Variants in CCNF observed in about 807,000 individuals in gnomAD.
The protein encoded by CCNF is cyclin-F.
A neutral mutation model predicts 85.4 loss-of-function variants in CCNF; 30 were observed. That is an observed-to-expected ratio of 0.35 (90% CI 0.26 to 0.48). The LOEUF (loss-of-function observed/expected upper bound fraction) is 0.48. Ranked by LOEUF, CCNF falls within the 20% of genes least tolerant of loss-of-function variation. CCNF has a pLI of 0.99. For synonymous variants in CCNF, 439 were observed against 425.1 expected, an observed-to-expected ratio of 1.03 and a Z score of -0.40; for missense variants, 919 against 1,010.4, an observed-to-expected ratio of 0.91 and a Z score of 1.23.
In CCNF at chr16:2,443,763, G is replaced by A; in HGVS notation, c.892G>A (p.Val298Ile). Residue 298 changes from valine to isoleucine, a missense_variant, in exon 9 of 17, where the codon GTC becomes ATC. Transcript: ENST00000397066. Reference protein sequence around the residue: ...QASQAVSKQQVFSVQKGLNDT... With the variant: ...QASQAVSKQQIFSVQKGLNDT... ...TTCCCAGGCTGTCAGTAAACAACAAGTCTTCTCCGTGCAGAAGGGACTCAA... is the reference window on the plus strand; with the variant it reads ...TTCCCAGGCTGTCAGTAAACAACAAATCTTCTCCGTGCAGAAGGGACTCAA... The A allele has an allele frequency of 1.2e-6, 2 of 1,614,152 alleles. No homozygotes were observed. The highest frequency in any genetic ancestry group is 1.1e-5 in the South Asian group (1 of 91,088).
chr16:2,455,682 C>T (rs566913034), intron 16 of CCNF, 118 bp downstream of exon 16: 13 of 1,401,144 alleles, frequency 9.3e-6, no homozygotes, highest in South Asian at 1.7e-5. Context: ...GCACAGAGTG[C>T]GGGGTGGGGC....
chr16:2,429,768 G>C (rs2065253486), intron 1 of CCNF, among the ~76,000 whole-genome samples: 1 of 149,582 alleles, frequency 6.7e-6, no homozygotes, highest in Non-Finnish European at 1.5e-5. Context: ...TCGGGTCCCG[G>C]GGCAGCGATC....
chr16:2,445,754 G>C (rs2065359209), intron 10 of CCNF, 132 bp downstream of exon 10: 2 of 803,522 alleles, frequency 2.5e-6, no homozygotes. Context: ...CCGAGACCAA[G>C]TCTCGCTCTG....
chr16:2,444,322 C>T (rs1482081496), intron 9 of CCNF, among the ~76,000 whole-genome samples: 7 of 136,602 alleles, frequency 5.1e-5, no homozygotes, highest in Admixed American at 3.0e-4. Context: ...TTTTTTGAGA[C>T]GGAGTCTTGC....
intron 2 of CCNF, among the ~76,000 whole-genome samples, chr16:2,431,979 C>T (rs1028822446): frequency 6.6e-6 from 1 of 151,774 alleles, no homozygotes. Flanking sequence ...TACAGGCACC[C>T]GCCACCACGC....
chr16:2,435,548 G>A (rs568591972), intron 3 of CCNF, among the ~76,000 whole-genome samples: 84 of 151,280 alleles, frequency 5.6e-4, no homozygotes, highest in South Asian at 1.0e-3. Flanking sequence ...TCGCACCACT[G>A]CACTCCAGCC....
intron 10 of CCNF, among the ~76,000 whole-genome samples, chr16:2,447,918 C>T (rs930925287): frequency 6.6e-6 from 1 of 152,220 alleles, no homozygotes; most frequent in African/African-American, 2.4e-5. Context: ...GTCCCTGCGC[C>T]TCTTGTCCTC....
chr16:2,438,705 A>G (rs1303358440), intron 6 of CCNF, among the ~76,000 whole-genome samples: 3 of 151,906 alleles, frequency 2.0e-5, no homozygotes, highest in Non-Finnish European at 4.4e-5. Flanking sequence ...AACATCAAGT[A>G]AAGAATAAGG....
At chr16:2,434,889 G>A (rs527396156) in intron 3 of CCNF, among the ~76,000 whole-genome samples, 11 of 152,216 alleles carry the variant, frequency 7.2e-5, no homozygotes, top group South Asian at 6.2e-4. Context: ...CTTCTTTCAC[G>A]GACCCTGATG....
chr16:2,443,537 A>G lies in CCNF; in HGVS notation c.778-112A>G, dbSNP rs946673080. ...CCGAAGCTTGTGAAGGTTTAAGTTA[A>G]GTAGGGCAGTGTGTCCACATGCATT... On this transcript the variant is annotated intron_variant, in intron 8 of 16. Transcript: ENST00000397066. The G allele has an allele frequency of 3.1e-6, 3 of 978,838 alleles. No individual in the cohort carries two copies. In the African/African-American group the frequency reaches 4.8e-5, roughly 16 times the overall value. 60.6% of individuals were successfully genotyped at this position (978,838 alleles called of 1,614,324 possible). A position where few individuals can be genotyped will look rare whatever the true frequency, so the allele number is the denominator to read the frequency against.
chr16:2,448,430 AGT>A, intron 10 of CCNF, among the ~76,000 whole-genome samples: 1 of 152,190 alleles, frequency 6.6e-6, no homozygotes, highest in African/African-American at 2.4e-5. Context: ...TTTTTGAGAC[AGT>A]GTCTTGCTCT....
In CCNF at chr16:2,452,980, A is replaced by G; in HGVS notation, c.1488-230A>G. The G allele has an allele frequency of 5.2e-6, 3 of 581,660 alleles. No homozygotes were observed. Among genetic ancestry groups the G allele is most frequent in the Admixed American group, 3.0e-5 (1 of 33,658 alleles). The allele number at this position is 581,660 out of a possible 1,614,324, so 36.0% of individuals were successfully genotyped here. On this transcript the variant is annotated intron_variant, in intron 13 of 16. Transcript: ENST00000397066. The surrounding 1 kb of genome is among the most constrained non-coding windows in gnomAD (Gnocchi z 4.1). ...TATTGTGAACAGTCCTGCCATGAAC[A>G]TTCTAGTACAGGTTTCTGTGTGGAC...
In CCNF at chr16:2,456,511, G is replaced by T; in HGVS notation, c.1886-34G>T. 2 of 1,454,872 alleles carry T rather than the reference G, an allele frequency of 1.4e-6. No individual in the cohort carries two copies. The highest frequency in any genetic ancestry group is 2.3e-5 in the East Asian group (1 of 43,484). The allele number at this position is 1,454,872 out of a possible 1,614,324, so 90.1% of individuals were successfully genotyped here. ...GGGGTCTCCCCTGATGCTTGGGTGT[G>T]ACATGACTTCCCTCCCCACCAACCT... On this transcript the variant is annotated intron_variant, in intron 16 of 16. Coordinates refer to ENST00000397066, the MANE Select transcript of CCNF (RefSeq NM_001761.3). The surrounding 1 kb of genome is among the most constrained non-coding windows in gnomAD (Gnocchi z 4.5).
chr16:2,455,219 C>T (rs2065419476), intron 15 of CCNF, among the ~76,000 whole-genome samples, 176 bp from the exon 16 acceptor site: 1 of 152,230 alleles, frequency 6.6e-6, no homozygotes, highest in Non-Finnish European at 1.5e-5. Context: ...CCAGGTTGGC[C>T]CTGCCTGAAG....
At chr16:2,454,433 G>GCCTGGC (rs575954456) in intron 15 of CCNF, among the ~76,000 whole-genome samples, 1 of 152,186 alleles carries the variant, frequency 6.6e-6, no homozygotes, top group East Asian at 1.9e-4. Flanking sequence ...CCAGGAGGGG[G>GCCTGGC]CCTGGCCCTG....
At position 2,451,173 on chromosome 16, in the gene CCNF, A is replaced by G. The variant is rs2065393184; in HGVS notation, c.1487+1258A>G. On this transcript the variant is annotated intron_variant, in intron 13 of 16. Transcript: ENST00000397066. This position sits in a 1 kb window ranked among gnomAD's most constrained non-coding sequence, Gnocchi z 4.3. The stretch of plus-strand genomic sequence containing the variant: ...TGGTCCAGGCGCTGGGGGAGAGGGC[A>G]GGACAGAGAGTTCAGAGGTCAGGTC... Among the ~76,000 whole-genome samples, 1 of 152,232 alleles carries G rather than the reference A, an allele frequency of 6.6e-6. No individual in the cohort carries two copies. Among genetic ancestry groups the G allele is most frequent in the South Asian group, 2.1e-4 (1 of 4,832 alleles).
At position 2,457,873 on chromosome 16, in the gene CCNF, C is replaced by T. The variant is rs1442666280; in HGVS notation, c.*853C>T. The T allele has an allele frequency of 6.6e-6, 1 of 152,252 alleles. No homozygotes were observed. The highest frequency in any genetic ancestry group is 1.5e-5 in the Non-Finnish European group (1 of 68,052). The allele number at this position is 152,252 out of a possible 1,614,324, so 9.4% of individuals were successfully genotyped here. A position where few individuals can be genotyped will look rare whatever the true frequency, so the allele number is the denominator to read the frequency against. ...CCAGCCCCTCAATGCCATCCTGACA[C>T]ACTTTATGCAAAAAGAATTTTCCCA... On this transcript the variant is annotated 3_prime_UTR_variant, in exon 17 of 17. Coordinates refer to ENST00000397066, the MANE Select transcript of CCNF (RefSeq NM_001761.3).
chr16:2,441,678 A>C (rs1395448847), intron 8 of CCNF, among the ~76,000 whole-genome samples: 1 of 151,674 alleles, frequency 6.6e-6, no homozygotes, highest in African/African-American at 2.4e-5. Context: ...CACCACGCCC[A>C]GCTAATTTTT....
intron 13 of CCNF, among the ~76,000 whole-genome samples, chr16:2,450,759 A>G (rs1401339345): frequency 3.9e-5 from 6 of 152,236 alleles, no homozygotes; most frequent in African/African-American, 1.4e-4. Context: ...AGCCACCCTC[A>G]CTGGTTTCCA....
Sources: allele counts gnomAD v4.1 joint callset (sites outside exome capture counted in the v4.1 genomes callset), GRCh38; gene constraint gnomAD v4.1.1; non-coding constraint Gnocchi (gnomAD v3.1); transcripts MANE v1.5; gene names NCBI Gene and HGNC (gene_info 2026-07-23, HGNC 2026-07-21).